The following CSMD3 variants were observed in gnomAD, a reference collection of about 807,000 sequenced individuals.
The protein encoded by CSMD3 is CUB and sushi domain-containing protein 3.
Under a neutral mutation model 435.2 loss-of-function variants are expected in CSMD3, and 177 were observed. The observed-to-expected ratio is 0.41, with a 90% CI of 0.36 to 0.46. The LOEUF is 0.46. Among genes scored for constraint, CSMD3 ranks in the 20% least tolerant of loss-of-function variants. The probability of loss-of-function intolerance (pLI) is 0.34; values close to 1 mark genes in which losing one functional copy is unlikely to be tolerated. For missense variants in CSMD3, 4,265 were observed against 4,504.6 expected, an observed-to-expected ratio of 0.95 and a Z score of 1.52; for synonymous variants, 1,656 against 1,520.5, an observed-to-expected ratio of 1.09 and a Z score of -2.07.
chr8:112,421,144 T>C (rs1734057172), intron 32 of CSMD3, among the ~76,000 whole-genome samples: 1 of 151,636 alleles, frequency 6.6e-6, no homozygotes, highest in Non-Finnish European at 1.5e-5. Context: ...TAACTTGGGC[T>C]CTAGCTTTAT....
intron 8 of CSMD3, among the ~76,000 whole-genome samples, chr8:112,948,364 C>T (rs574073136): frequency 6.6e-6 from 1 of 151,984 alleles, no homozygotes; most frequent in African/African-American, 2.4e-5. Context: ...GCAATTTGAT[C>T]TGCCAGCATT....
At chr8:112,762,560 A>T (rs1174945963) in intron 13 of CSMD3, among the ~76,000 whole-genome samples, 1 of 151,986 alleles carries the variant, frequency 6.6e-6, no homozygotes. Flanking sequence ...AGAGGTGGGC[A>T]GATTGTAAAA....
At chr8:113,429,540 A>G (rs943637133) in intron 1 of CSMD3, among the ~76,000 whole-genome samples, 1 of 152,044 alleles carries the variant, frequency 6.6e-6, no homozygotes, top group Non-Finnish European at 1.5e-5. Context: ...GTTTATTTGA[A>G]GTACACATTA....
intron 13 of CSMD3, among the ~76,000 whole-genome samples, chr8:112,744,053 G>A (rs1264752531): frequency 6.6e-6 from 1 of 151,880 alleles, no homozygotes; most frequent in East Asian, 1.9e-4. Context: ...TTATGAAAAG[G>A]TTGTCATATA....
chr8:112,375,414 C>G (rs2131205636), intron 38 of CSMD3, among the ~76,000 whole-genome samples: 1 of 152,120 alleles, frequency 6.6e-6, no homozygotes, highest in South Asian at 2.1e-4. Context: ...TCTTTCCCGT[C>G]AAAGATGTTG....
At chr8:112,731,827 T>C (rs2077081414) in intron 13 of CSMD3, among the ~76,000 whole-genome samples, 1 of 152,118 alleles carries the variant, frequency 6.6e-6, no homozygotes, top group Admixed American at 6.6e-5. Flanking sequence ...CTATATAATA[T>C]AAAGTAAATC....
chr8:112,930,623 T>C (rs1028024668), intron 9 of CSMD3, among the ~76,000 whole-genome samples: 1 of 152,122 alleles, frequency 6.6e-6, no homozygotes, highest in Admixed American at 6.6e-5. Context: ...TAAAAATTTA[T>C]ATTTGAATAG....
chr8:112,836,969 G>A (rs535849866), intron 11 of CSMD3, among the ~76,000 whole-genome samples: 17 of 151,746 alleles, frequency 1.1e-4, no homozygotes, highest in South Asian at 2.1e-4. Context: ...GCTATTCTAC[G>A]TTAACAAAGT....
intron 20 of CSMD3, among the ~76,000 whole-genome samples, chr8:112,641,556 T>C (rs893712494): frequency 1.1e-4 from 16 of 151,914 alleles, no homozygotes; most frequent in Admixed American, 9.8e-4. Flanking sequence ...GTAATGACAA[T>C]CCAGGTCTGG....
chr8:112,857,215 C>T (rs2080686532), intron 11 of CSMD3, among the ~76,000 whole-genome samples: 2 of 151,554 alleles, frequency 1.3e-5, no homozygotes, highest in Admixed American at 6.6e-5. Context: ...GTTAACCTAA[C>T]AGATCAAAAT....
At chr8:113,111,428 T>C (rs188578424) in intron 4 of CSMD3, among the ~76,000 whole-genome samples, 12 of 152,264 alleles carry the variant, frequency 7.9e-5, no homozygotes, top group Admixed American at 5.9e-4. Context: ...TGCTGTGCAA[T>C]AGATCTTAAA....
intron 1 of CSMD3, among the ~76,000 whole-genome samples, chr8:113,330,637 TG>T (rs2132766917): frequency 6.6e-6 from 1 of 151,978 alleles, no homozygotes; most frequent in South Asian, 2.1e-4. Flanking sequence ...AAAATTGAGC[TG>T]GAGTGGCTAA....
chr8:112,432,317 A>G (rs971196870), intron 32 of CSMD3, among the ~76,000 whole-genome samples: 10 of 152,000 alleles, frequency 6.6e-5, no homozygotes, highest in African/African-American at 2.4e-4. Flanking sequence ...AACTTATTTT[A>G]CTTTATTTTA....
intron 38 of CSMD3, among the ~76,000 whole-genome samples, chr8:112,371,806 T>G (rs186672507): frequency 1.6e-4 from 24 of 152,024 alleles, no homozygotes; most frequent in African/African-American, 5.8e-4. Flanking sequence ...GAGAATCACT[T>G]GAACCCGGGA....
chr8:112,741,416 T>G (rs1347869918), intron 13 of CSMD3, among the ~76,000 whole-genome samples: 1 of 151,892 alleles, frequency 6.6e-6, no homozygotes, highest in African/African-American at 2.4e-5. Flanking sequence ...ATCTGACAAT[T>G]ATAGTAATTA....
At chr8:112,362,633 G>A (rs1255539319) in intron 38 of CSMD3, among the ~76,000 whole-genome samples, 1 of 151,998 alleles carries the variant, frequency 6.6e-6, no homozygotes, top group Admixed American at 6.6e-5. Flanking sequence ...AGCAACATAA[G>A]CAACCATGCT....
intron 5 of CSMD3, chr8:113,098,473 T>C (rs2090230702): frequency 5.0e-6 from 2 of 403,594 alleles, no homozygotes; most frequent in African/African-American, 4.1e-5. Flanking sequence ...TTCAATTAAT[T>C]TGAGAGAAAC....
chr8:112,633,999 C>T (rs1005245067), intron 22 of CSMD3, among the ~76,000 whole-genome samples: 1 of 152,040 alleles, frequency 6.6e-6, no homozygotes, highest in African/African-American at 2.4e-5. Flanking sequence ...ATACAACCTA[C>T]TTAAAATTTG....
At position 112,949,060 on chromosome 8, in the gene CSMD3, G is replaced by C. The variant is rs145170978; in HGVS notation, c.1421-1183C>G. On this transcript the variant is annotated intron_variant, in intron 8 of 70. Transcript: ENST00000297405. Reference sequence around the variant, plus strand: ...AAGGTGCCAAAGTGTTGCGGTTGTAGGTGTGAGCCATTTTAAAAATAATAA... The same window carrying C: ...AAGGTGCCAAAGTGTTGCGGTTGTACGTGTGAGCCATTTTAAAAATAATAA... Among the ~76,000 whole-genome samples, 812 of 152,006 alleles carry C rather than the reference G, an allele frequency of 5.3e-3. 10 individuals carry two copies. The highest frequency in any genetic ancestry group is 0.019 in the African/African-American group (777 of 41,472).
Sources: allele counts gnomAD v4.1 joint callset (sites outside exome capture counted in the v4.1 genomes callset), GRCh38; gene constraint gnomAD v4.1.1; transcripts MANE v1.5; gene names NCBI Gene and HGNC (gene_info 2026-07-23, HGNC 2026-07-21).